Variants in TMC7 observed in about 807,000 individuals in gnomAD.
TMC7 encodes transmembrane channel-like protein 7.
In TMC7, 54 loss-of-function variants were observed where a neutral mutation model predicts 82.9. The observed-to-expected ratio is 0.65, with a 90% CI of 0.52 to 0.82. TMC7 has a LOEUF of 0.82. Among genes scored for constraint, TMC7 ranks in the 40% least tolerant of loss-of-function variants. TMC7 has a pLI of 0.00. For synonymous variants in TMC7, 350 were observed against 337.9 expected (o/e 1.04, Z -0.39); for missense variants, 820 against 901.2 (o/e 0.91, Z 1.15).
At chr16:18,991,640 G>A (rs1457082826) in intron 1 of TMC7, among the ~76,000 whole-genome samples, 1 of 151,976 alleles carries the variant, frequency 6.6e-6, no homozygotes, top group Non-Finnish European at 1.5e-5. Context: ...CAATGTGCAG[G>A]TTTGTTACAT....
chr16:18,990,578 C>G (rs1567497100), intron 1 of TMC7, among the ~76,000 whole-genome samples: 2 of 152,192 alleles, frequency 1.3e-5, no homozygotes, highest in African/African-American at 4.8e-5. Flanking sequence ...AGCAGCGTAG[C>G]TGTTTATTTC....
chr16:19,014,609 T>A (rs1479489272), intron 2 of TMC7, among the ~76,000 whole-genome samples: 1 of 152,162 alleles, frequency 6.6e-6, no homozygotes, highest in African/African-American at 2.4e-5. Flanking sequence ...CCCAGCACCT[T>A]CTCTTTCCCC....
At chr16:19,052,540 C>T (rs1961585720) in intron 13 of TMC7, among the ~76,000 whole-genome samples, 1 of 152,144 alleles carries the variant, frequency 6.6e-6, no homozygotes, top group East Asian at 1.9e-4. Context: ...GTACTGGGTG[C>T]GGTGGCTCAC....
intron 4 of TMC7, among the ~76,000 whole-genome samples, chr16:19,022,359 T>C (rs1371312277): frequency 6.6e-6 from 1 of 152,252 alleles, no homozygotes; most frequent in Non-Finnish European, 1.5e-5. Flanking sequence ...AATATACATA[T>C]ACAGTCATGT....
At chr16:19,016,382 G>A in intron 2 of TMC7, 68 bp from the exon 3 acceptor site, 1 of 1,593,236 alleles carries the variant, frequency 6.3e-7, no homozygotes, top group Non-Finnish European at 8.6e-7. Flanking sequence ...GAGCTACTGT[G>A]CCAGGCTGGG....
chr16:19,003,858 A>T (rs1447534861), intron 1 of TMC7, among the ~76,000 whole-genome samples: 1 of 108,758 alleles, frequency 9.2e-6, no homozygotes, highest in African/African-American at 3.6e-5. Context: ...GTCATCACCA[A>T]TCCCTAATCT....
intron 5 of TMC7, among the ~76,000 whole-genome samples, chr16:19,027,066 T>TTTC (rs1438084414): frequency 3.4e-5 from 4 of 118,526 alleles, no homozygotes; most frequent in Admixed American, 8.8e-5. Context: ...CTGACCTTTT[T>TTTC]TTTTTTTTTT....
At chr16:19,048,229 A>AC (rs1961375371) in intron 12 of TMC7, among the ~76,000 whole-genome samples, 1 of 148,864 alleles carries the variant, frequency 6.7e-6, no homozygotes, top group Non-Finnish European at 1.5e-5. Context: ...TTCTGCTTCA[A>AC]CCCCACAAAG....
chr16:19,059,335 A>C, intron 14 of TMC7, 81 bp from the exon 15 acceptor site: 1 of 1,561,994 alleles, frequency 6.4e-7, no homozygotes, highest in Non-Finnish European at 8.7e-7. Flanking sequence ...AACTGTTCCA[A>C]GGAAAAATAT....
At chr16:19,056,417 AAGGCCCAGG>A in intron 13 of TMC7, 116 bp from the exon 14 acceptor site, 1 of 1,138,822 alleles carries the variant, frequency 8.8e-7, no homozygotes, top group Non-Finnish European at 1.2e-6. Flanking sequence ...AACATTCCAG[AAGGCCCAGG>A]AGGTTAGGTG....
In TMC7 at chr16:19,028,171, C is replaced by G. The variant is rs181957938; in HGVS notation, c.712-2053C>G. Among the ~76,000 whole-genome samples, 528 of 152,226 alleles carry G rather than the reference C, an allele frequency of 3.5e-3. 1 individual carries two copies. Among genetic ancestry groups the G allele is most frequent in the Non-Finnish European group, 5.2e-3 (353 of 68,010 alleles). On this transcript the variant is annotated intron_variant, in intron 5 of 15. Transcript: ENST00000304381. ...ACAATGTTTCTGCTATATCTGTTCT[C>G]TTCTTCACTCTCCTGGAGTTTTCCT...
intron 12 of TMC7, chr16:19,049,627 G>A: frequency 3.0e-6 from 3 of 985,350 alleles, no homozygotes; most frequent in Non-Finnish European, 3.6e-6. Context: ...TGATTAGCCC[G>A]TGGCTTCGCA....
intron 14 of TMC7, among the ~76,000 whole-genome samples, 188 bp downstream of exon 14, chr16:19,056,885 G>A (rs1961800705): frequency 6.6e-6 from 1 of 152,080 alleles, no homozygotes; most frequent in African/African-American, 2.4e-5. Flanking sequence ...AACACTTTGG[G>A]TGGCTGAGGC....
chr16:18,999,390 C>T (rs1384619718), intron 1 of TMC7, among the ~76,000 whole-genome samples: 1 of 152,212 alleles, frequency 6.6e-6, no homozygotes, highest in African/African-American at 2.4e-5. Context: ...ATTGCCGAAG[C>T]CCAACAAAGG....
Position 18,984,142 on chromosome 16 carries a change from G to A in TMC7, c.67+12G>A. On this transcript the variant is annotated intron_variant, in intron 1 of 15. Transcript: ENST00000304381. Reference sequence around the variant, plus strand: ...GGCGGTCCATCCAGGTAGGGCGGCAGGGAGCGCGCGCGGGGACGGTGCCCC... The same window carrying A: ...GGCGGTCCATCCAGGTAGGGCGGCAAGGAGCGCGCGCGGGGACGGTGCCCC... 1 of 1,492,048 alleles carries A rather than the reference G, an allele frequency of 6.7e-7. No homozygotes were observed. The highest frequency in any genetic ancestry group is 8.9e-7 in the Non-Finnish European group (1 of 1,128,748). The allele number at this position is 1,492,048 out of a possible 1,614,324, so 92.4% of individuals were successfully genotyped here.
At chr16:19,051,197 A>C (rs902588445) in intron 12 of TMC7, among the ~76,000 whole-genome samples, 5 of 146,868 alleles carry the variant, frequency 3.4e-5, no homozygotes, top group African/African-American at 1.3e-4. Flanking sequence ...TGGAGTCTGG[A>C]TGAAACCTTT....
At position 19,054,847 on chromosome 16, in the gene TMC7, C is replaced by A. The variant is rs570276110; in HGVS notation, c.1872-1695C>A. ...GCAACCTCCGTCTCCCAGGTTCAAGCGATTCTCCTGTCTCATCCTCCCAAG... is the reference window on the plus strand; with the variant it reads ...GCAACCTCCGTCTCCCAGGTTCAAGAGATTCTCCTGTCTCATCCTCCCAAG... On this transcript the variant is annotated intron_variant, in intron 13 of 15. Transcript: ENST00000304381. 2.7e-5 allele frequency among the ~76,000 whole-genome samples: 4 copies of A among 147,498 alleles called. No homozygotes were observed. In the South Asian group the frequency reaches 8.6e-4, roughly 32 times the overall value.
In TMC7 at chr16:19,059,485, G is replaced by A. The variant is rs1961910409; in HGVS notation, c.2097G>A (p.Gln699=). The A allele has an allele frequency of 1.2e-6, 2 of 1,614,136 alleles. No homozygotes were observed. The highest frequency in any genetic ancestry group is 1.7e-6 in the Non-Finnish European group (2 of 1,180,034). Residue 699 remains glutamine, a synonymous_variant, in exon 15 of 16, where the codon CAG becomes CAA. Transcript: ENST00000304381. The part of the protein sequence containing the change: ...HKRVVIQLRE[Q]LSLESRDKCY... The stretch of plus-strand genomic sequence containing the variant: ...GGGTGGTCATCCAGCTCCGAGAGCA[G>A]CTATCCCTGGTAAGGAAGCATAGCT...
chr16:19,027,325 C>A (rs933672461), intron 5 of TMC7, among the ~76,000 whole-genome samples: 9 of 151,982 alleles, frequency 5.9e-5, no homozygotes, highest in Admixed American at 5.9e-4. Context: ...CCTCAGCCTC[C>A]GAAAGTGCTG....
Sources: allele counts gnomAD v4.1 joint callset (sites outside exome capture counted in the v4.1 genomes callset), GRCh38; gene constraint gnomAD v4.1.1; transcripts MANE v1.5; gene names NCBI Gene and HGNC (gene_info 2026-07-23, HGNC 2026-07-21).